Variants in ZNF782 observed in about 807,000 individuals in gnomAD.
The protein encoded by ZNF782 is zinc finger protein 782.
Under a neutral mutation model 13.0 loss-of-function variants are expected in ZNF782, and 12 were observed. The ratio of observed to expected loss-of-function variants is 0.92; its 90% confidence interval spans 0.59 to 1.50. The LOEUF (loss-of-function observed/expected upper bound fraction) is 1.50. Ranked by LOEUF, ZNF782 falls within the 40% of genes most tolerant of loss-of-function variation. The pLI is 0.00. For synonymous variants in ZNF782, 284 were observed against 283.0 expected, an observed-to-expected ratio of 1.00 and a Z score of -0.04; for missense variants, 770 against 822.9, an observed-to-expected ratio of 0.94 and a Z score of 0.79.
intron 1 of ZNF782, among the ~76,000 whole-genome samples, chr9:96,869,250 TATC>T (rs910167543): frequency 1.3e-5 from 2 of 152,220 alleles, no homozygotes; most frequent in Non-Finnish European, 2.9e-5. Context: ...AAGTTATAGA[TATC>T]ATCTCTTCTG....
At chr9:96,866,248 G>A (rs1851752729) in intron 1 of ZNF782, among the ~76,000 whole-genome samples, 1 of 152,170 alleles carries the variant, frequency 6.6e-6, no homozygotes, top group Non-Finnish European at 1.5e-5. Context: ...TGTTTTGTGG[G>A]CTGTGCCCGG....
the ZNF782 span, chr9:96,931,674 T>G: frequency 6.2e-7 from 1 of 1,605,874 alleles, no homozygotes; most frequent in African/African-American, 1.3e-5. Context: ...GTGACTAGAG[T>G]GGACCTGGAG....
chr9:96,822,998 T>TA (rs1338400919), intron 5 of ZNF782, among the ~76,000 whole-genome samples: 1 of 152,228 alleles, frequency 6.6e-6, no homozygotes, highest in African/African-American at 2.4e-5. Flanking sequence ...ATGGTCATTT[T>TA]AAAAAGGGTT....
At chr9:96,860,352 G>C (rs1851689432) in exon 3 of ZNF782, 1 of 152,400 alleles carries the variant, frequency 6.6e-6, no homozygotes, top group Admixed American at 6.5e-5. Context: ...GTCTGACCCA[G>C]TGCTGTCCCA....
At chr9:96,861,335 C>T (rs546660287) in intron 2 of ZNF782, among the ~76,000 whole-genome samples, 4 of 152,148 alleles carry the variant, frequency 2.6e-5, no homozygotes, top group African/African-American at 7.2e-5. Context: ...TATTTGAAAA[C>T]TATCTGACAA....
chr9:96,827,211 A>G (rs1467260207), intron 4 of ZNF782, 30 bp from the exon 5 acceptor site: 1 of 1,499,524 alleles, frequency 6.7e-7, no homozygotes, highest in Non-Finnish European at 9.2e-7. Context: ...TAGCATTTGC[A>G]TTAGTTGCAT....
the ZNF782 span, among the ~76,000 whole-genome samples, chr9:96,920,024 C>G: frequency 6.6e-6 from 1 of 151,230 alleles, no homozygotes; most frequent in Admixed American, 6.6e-5. Context: ...CTAGCTAAGA[C>G]ACAGGATTAA....
At chr9:96,840,916 A>C (rs1008843246) in intron 4 of ZNF782, among the ~76,000 whole-genome samples, 1 of 152,094 alleles carries the variant, frequency 6.6e-6, no homozygotes, top group African/African-American at 2.4e-5. Context: ...GAAATCAACT[A>C]AATTAAAACC....
the ZNF782 span, among the ~76,000 whole-genome samples, chr9:96,886,209 A>G: frequency 1.2e-3 from 129 of 103,330 alleles, no homozygotes; most frequent in African/African-American, 6.5e-3. Context: ...TTAAGTACAG[A>G]AAAAAAAAAA....
At chr9:96,834,991 G>A (rs1266533640) in intron 4 of ZNF782, among the ~76,000 whole-genome samples, 1 of 152,190 alleles carries the variant, frequency 6.6e-6, no homozygotes, top group African/African-American at 2.4e-5. Context: ...AATGCTGCTA[G>A]AAATATGACA....
intron 4 of ZNF782, among the ~76,000 whole-genome samples, chr9:96,831,121 G>A (rs947918133): frequency 2.0e-5 from 3 of 152,038 alleles, no homozygotes; most frequent in Non-Finnish European, 4.4e-5. Context: ...GAGAAAGGGA[G>A]GGGCTGAAAA....
At position 96,818,574 on chromosome 9, in the gene ZNF782, G is replaced by A. The variant is rs751525402; in HGVS notation, c.1449C>T (p.Cys483=). 69 of 1,611,202 alleles carry A rather than the reference G, an allele frequency of 4.3e-5. No individual in the cohort carries two copies. The highest frequency in any genetic ancestry group is 5.4e-5 in the African/African-American group (4 of 74,096). The change falls in exon 6 of 6, where the codon TGC becomes TGT. Residue 483 remains cysteine, a synonymous_variant. Coordinates refer to ENST00000481138, the MANE Select transcript of ZNF782 (RefSeq NM_001001662.3). ...TGEKPFECNE[C]GKSFSHMSGL... ...CTGACATATGGCTGAAAGATTTCCC[G>A]CATTCATTACATTCAAAAGGTTTCT...
chr9:96,842,658 A>C (rs1049071114), intron 4 of ZNF782, among the ~76,000 whole-genome samples: 1 of 152,114 alleles, frequency 6.6e-6, no homozygotes. Flanking sequence ...GACTTAGTGA[A>C]GAGTTCTTAG....
chr9:96,818,215 G>T lies in ZNF782; in HGVS notation c.1808C>A (p.Ser603Ter). The change falls in exon 6 of 6, where the codon TCA (serine) becomes TAA (stop). Residue 603 changes from serine to a stop codon, truncating the protein, a stop_gained. Transcript: ENST00000481138. LOFTEE classifies it low-confidence loss of function (END_TRUNC). ...AGTTCTCTGATGCCCTCTGAGATTT[G>T]ATTTCTGCCTGAATGTTTTTCCACA... Reference protein sequence around the residue: ...EECGKTFRQKSNLRGHQRTHT... With the variant: ...EECGKTFRQK 1 of 1,613,970 alleles carries T rather than the reference G, an allele frequency of 6.2e-7. No individual in the cohort carries two copies. Among genetic ancestry groups the T allele is most frequent in the South Asian group, 1.1e-5 (1 of 91,076 alleles).
At chr9:96,824,870 G>A (rs1276634225) in intron 5 of ZNF782, among the ~76,000 whole-genome samples, 1 of 149,134 alleles carries the variant, frequency 6.7e-6, no homozygotes, top group African/African-American at 2.5e-5. Context: ...ACCTCTTCAA[G>A]GAGAACTACA....
At chr9:96,833,401 A>G (rs1024548218) in intron 4 of ZNF782, among the ~76,000 whole-genome samples, 3 of 152,172 alleles carry the variant, frequency 2.0e-5, no homozygotes, top group East Asian at 1.9e-4. Context: ...CCTGTAAACT[A>G]TAAGTGTTTT....
chr9:96,891,214 T>C, the ZNF782 span: 1 of 152,328 alleles, frequency 6.6e-6, no homozygotes, highest in Non-Finnish European at 1.5e-5. Context: ...AATGGGATGT[T>C]TGCACAACTT....
intron 4 of ZNF782, among the ~76,000 whole-genome samples, chr9:96,831,061 T>C (rs929915605): frequency 6.6e-6 from 1 of 151,900 alleles, no homozygotes; most frequent in Non-Finnish European, 1.5e-5. Flanking sequence ...GACTATAACA[T>C]AATATCTAAC....
intron 4 of ZNF782, among the ~76,000 whole-genome samples, chr9:96,831,861 T>A (rs1351356696): frequency 6.6e-6 from 1 of 152,200 alleles, no homozygotes; most frequent in Non-Finnish European, 1.5e-5. Context: ...ATGGTATACC[T>A]TCTTCTGTTC....
Sources: allele counts gnomAD v4.1 joint callset (sites outside exome capture counted in the v4.1 genomes callset), GRCh38; gene constraint gnomAD v4.1.1; transcripts MANE v1.5; gene names NCBI Gene and HGNC (gene_info 2026-07-23, HGNC 2026-07-21).